The following NFIA variants were observed in gnomAD, a reference collection of about 807,000 sequenced individuals.
NFIA encodes the protein nuclear factor I A.
Under a neutral mutation model 62.8 loss-of-function variants are expected in NFIA, and 8 were observed. The observed-to-expected ratio is 0.13, with a 90% CI of 0.07 to 0.23. The LOEUF (loss-of-function observed/expected upper bound fraction) is 0.23. Among genes scored for constraint, NFIA ranks in the 10% least tolerant of loss-of-function variants. The probability of loss-of-function intolerance (pLI) is 1.00; values close to 1 mark genes in which losing one functional copy is unlikely to be tolerated. For missense variants in NFIA, 410 were observed against 642.1 expected (o/e 0.64, Z 3.91); for synonymous variants, 235 against 238.1 (o/e 0.99, Z 0.12).
At chr1:61,389,593 G>A (rs1207061923) in intron 7 of NFIA, among the ~76,000 whole-genome samples, 2 of 152,162 alleles carry the variant, frequency 1.3e-5, no homozygotes, top group East Asian at 1.9e-4. Context: ...TGCCATATCA[G>A]TAGTTTCTAC....
At chr1:61,284,791 C>A (rs1658377871) in intron 3 of NFIA, among the ~76,000 whole-genome samples, 1 of 151,974 alleles carries the variant, frequency 6.6e-6, no homozygotes, top group Non-Finnish European at 1.5e-5. Flanking sequence ...CCTCCCCACT[C>A]CCCCCACCTC....
At chr1:61,134,558 T>A (rs1647145896) in intron 2 of NFIA, among the ~76,000 whole-genome samples, 1 of 152,240 alleles carries the variant, frequency 6.6e-6, no homozygotes, top group African/African-American at 2.4e-5. Context: ...CTATAACATA[T>A]GACTTAGAGT....
At chr1:61,240,875 A>T (rs1290271407) in intron 2 of NFIA, among the ~76,000 whole-genome samples, 1 of 152,020 alleles carries the variant, frequency 6.6e-6, no homozygotes, top group Admixed American at 6.6e-5. Context: ...AAGGGAAAAG[A>T]GTGAAGTTGA....
At chr1:61,236,260 T>C (rs776137411) in intron 2 of NFIA, among the ~76,000 whole-genome samples, 7 of 152,112 alleles carry the variant, frequency 4.6e-5, no homozygotes, top group Non-Finnish European at 8.8e-5. Context: ...ACAAACCCAG[T>C]AGCCATCTGA....
chr1:61,287,464 C>T (rs1298932394), intron 3 of NFIA, among the ~76,000 whole-genome samples: 1 of 152,054 alleles, frequency 6.6e-6, no homozygotes, highest in Non-Finnish European at 1.5e-5. Context: ...GATTATAACC[C>T]CCAGGTCTCA....
Position 61,161,124 on chromosome 1 carries a change from A to G in NFIA, c.559+72444A>G, listed in dbSNP as rs577444413. 2.0e-5 allele frequency among the ~76,000 whole-genome samples: 3 copies of G among 152,344 alleles called. No individual in the cohort carries two copies. The East Asian group carries it at 5.8e-4, about 29-fold the overall frequency. ...GCGATGGGATTTCACCATATTGGCC[A>G]GGCTGGTCTCGAACTCCTGACCTCA... On this transcript the variant is annotated intron_variant, in intron 2 of 10. Coordinates refer to ENST00000403491, the MANE Select transcript of NFIA (RefSeq NM_001134673.4).
chr1:61,410,378 C>G (rs948046425), intron 9 of NFIA, among the ~76,000 whole-genome samples: 1 of 152,128 alleles, frequency 6.6e-6, no homozygotes, highest in East Asian at 1.9e-4. Flanking sequence ...CAGGTGCTTT[C>G]TTAGAAATTA....
intron 2 of NFIA, among the ~76,000 whole-genome samples, chr1:61,175,240 C>G (rs1195428709): frequency 6.6e-6 from 1 of 152,070 alleles, no homozygotes; most frequent in East Asian, 1.9e-4. Context: ...CTCCCAGGCT[C>G]AAGTGATTCT....
intron 9 of NFIA, among the ~76,000 whole-genome samples, chr1:61,417,507 A>AT (rs1267481752): frequency 1.3e-5 from 2 of 151,432 alleles, no homozygotes; most frequent in Admixed American, 1.3e-4. Flanking sequence ...AACTCTAATA[A>AT]TTTTTTTAGG....
chr1:61,094,211 T>C (rs1010485796), intron 2 of NFIA, among the ~76,000 whole-genome samples: 1 of 152,204 alleles, frequency 6.6e-6, no homozygotes, highest in African/African-American at 2.4e-5. Context: ...TTATAAATTG[T>C]AAACCCATGG....
chr1:61,218,178 G>T (rs565769206), intron 2 of NFIA, among the ~76,000 whole-genome samples: 86 of 151,038 alleles, frequency 5.7e-4, no homozygotes, highest in African/African-American at 2.0e-3. Context: ...TGTAATGGAG[G>T]TACCACTCTG....
At chr1:61,154,078 C>A (rs1276651154) in intron 2 of NFIA, among the ~76,000 whole-genome samples, 1 of 152,194 alleles carries the variant, frequency 6.6e-6, no homozygotes, top group African/African-American at 2.4e-5. Flanking sequence ...TCATTTTTTA[C>A]ACTTTAACTC....
chr1:61,346,457 A>T (rs1662232202), intron 4 of NFIA, among the ~76,000 whole-genome samples: 1 of 152,266 alleles, frequency 6.6e-6, no homozygotes, highest in Non-Finnish European at 1.5e-5. Context: ...ATTATTAGTT[A>T]AAAAGTATAC....
chr1:61,184,911 A>G (rs1272116513), intron 2 of NFIA, among the ~76,000 whole-genome samples: 2 of 152,264 alleles, frequency 1.3e-5, no homozygotes, highest in Non-Finnish European at 2.9e-5. Flanking sequence ...TTTCCCAGAC[A>G]TAACACACAG....
At chr1:61,125,580 G>A (rs1272240068) in intron 2 of NFIA, among the ~76,000 whole-genome samples, 3 of 152,074 alleles carry the variant, frequency 2.0e-5, no homozygotes, top group South Asian at 4.1e-4. Context: ...TGTGGGGAAT[G>A]GTATGAACTC....
chr1:61,352,503 T>C lies in NFIA; in HGVS notation c.754T>C (p.Ser252Pro). Residue 252 changes from serine (S) to proline (P), a missense_variant, in exon 5 of 11, where the codon TCT becomes CCT. By Grantham distance (74) the Ser-to-Pro change is moderately conservative. Around this residue, in one of 3 missense-constraint regions of NFIA, gnomAD observed 298 missense variants for 438.1 expected, o/e 0.68. Coordinates refer to ENST00000403491, the MANE Select transcript of NFIA (RefSeq NM_001134673.4). ...PNFSLSDLES[S>P]SYYSMSPGAM... ...TTTTTCTCTCTCAGATTTGGAAAGT[T>C]CTTCATACTACAGCATGAGTCCAGG... The C allele has an allele frequency of 6.2e-7, 1 of 1,614,048 alleles. No homozygotes were observed. The highest frequency in any genetic ancestry group is 1.1e-5 in the South Asian group (1 of 91,064).
chr1:61,094,499 G>A (rs192605143), intron 2 of NFIA, among the ~76,000 whole-genome samples: 2 of 152,112 alleles, frequency 1.3e-5, no homozygotes, highest in Non-Finnish European at 1.5e-5. Context: ...TTTAGGAAAA[G>A]GTTTTGCAAA....
chr1:61,159,751 G>A (rs952867470), intron 2 of NFIA, among the ~76,000 whole-genome samples: 1 of 146,518 alleles, frequency 6.8e-6, no homozygotes, highest in Admixed American at 7.0e-5. Flanking sequence ...GCTCGATCTC[G>A]GCTCATTGCA....
At chr1:61,413,465 G>A (rs1666197660) in intron 9 of NFIA, among the ~76,000 whole-genome samples, 1 of 152,068 alleles carries the variant, frequency 6.6e-6, no homozygotes, top group African/African-American at 2.4e-5. Context: ...GGTTAGTTTG[G>A]TAGGGAGTCA....
Sources: gnomAD v4.1 joint callset for allele counts (sites outside exome capture counted in the v4.1 genomes callset) on GRCh38, gnomAD v4.1.1 for gene constraint, gnomAD v4.1.1 regional missense constraint, MANE v1.5 for transcripts, NCBI Gene and HGNC (gene_info 2026-07-23, HGNC 2026-07-21) for gene names.